The following MYO1H variants were observed in gnomAD, a reference collection of about 807,000 sequenced individuals.
The protein encoded by MYO1H is myosin IH, also known as unconventional myosin-Ih.
A neutral mutation model predicts 149.3 loss-of-function variants in MYO1H; 118 were observed. That is an observed-to-expected ratio of 0.79 (90% CI 0.68 to 0.92). The LOEUF is 0.92. Ranked by LOEUF, MYO1H falls within the 40% of genes least tolerant of loss-of-function variation. MYO1H has a pLI of 0.00. For synonymous variants in MYO1H, 447 were observed against 465.2 expected (o/e 0.96, Z 0.50); for missense variants, 1,212 against 1,280.7 (o/e 0.95, Z 0.82).
chr12:109,425,902 A>C (rs1365213724), intron 17 of MYO1H, 44 bp from the exon 18 acceptor site: 1 of 1,388,568 alleles, frequency 7.2e-7, no homozygotes, highest in Non-Finnish European at 1.0e-6. Context: ...AAGCAGCAGT[A>C]TCTCTCTGGC....
chr12:109,435,038 A>C (rs1182619460), exon 21 of MYO1H: 1 of 1,605,916 alleles, frequency 6.2e-7, no homozygotes, highest in South Asian at 1.1e-5. Flanking sequence ...CACTTCTAGA[A>C]CCAAAATATT....
At chr12:109,443,306 G>A (rs1872312986) in intron 27 of MYO1H, among the ~76,000 whole-genome samples, 1 of 143,438 alleles carries the variant, frequency 7.0e-6, no homozygotes, top group African/African-American at 2.7e-5. Context: ...GTGTATATAT[G>A]TGTACGTATA....
intron 1 of MYO1H, among the ~76,000 whole-genome samples, chr12:109,377,345 A>G (rs1329190123): frequency 6.6e-6 from 1 of 152,220 alleles, no homozygotes; most frequent in African/African-American, 2.4e-5. Context: ...ATGTGCAGAG[A>G]TCACATGGTG....
exon 4 of MYO1H, chr12:109,396,576 G>C (rs1869917131): frequency 1.2e-6 from 2 of 1,610,614 alleles, no homozygotes; most frequent in African/African-American, 2.7e-5. Context: ...CCAACCCAGT[G>C]CTGGAGGTAA....
intron 1 of MYO1H, among the ~76,000 whole-genome samples, chr12:109,366,831 T>C (rs982793750): frequency 1.3e-5 from 2 of 152,192 alleles, no homozygotes; most frequent in Non-Finnish European, 2.9e-5. Flanking sequence ...TTGTCACTTA[T>C]TACTACAGAT....
the MYO1H span, among the ~76,000 whole-genome samples, chr12:109,324,246 G>A: frequency 6.6e-6 from 1 of 152,172 alleles, no homozygotes; most frequent in Non-Finnish European, 1.5e-5. Flanking sequence ...CTTACAGCTT[G>A]GCGGCCTCAG....
the MYO1H span, among the ~76,000 whole-genome samples, chr12:109,341,229 C>CAAAA: frequency 1.1e-3 from 121 of 113,932 alleles, 5 homozygotes; most frequent in African/African-American, 1.9e-3. Flanking sequence ...CGTTCCATCT[C>CAAAA]AAAAAAAAAA....
intron 14 of MYO1H, among the ~76,000 whole-genome samples, chr12:109,412,218 C>T (rs1016407945): frequency 3.9e-5 from 6 of 151,960 alleles, no homozygotes; most frequent in African/African-American, 1.5e-4. Flanking sequence ...AGTGCAGTGA[C>T]GTGATCACAG....
intron 21 of MYO1H, among the ~76,000 whole-genome samples, chr12:109,435,832 G>T (rs926400719): frequency 6.6e-6 from 1 of 152,218 alleles, no homozygotes; most frequent in Admixed American, 6.5e-5. Flanking sequence ...TGGCTTCAAG[G>T]CTTGGTGGTC....
intron 1 of MYO1H, among the ~76,000 whole-genome samples, chr12:109,365,120 A>G (rs963774959): frequency 7.9e-5 from 12 of 152,112 alleles, no homozygotes; most frequent in Non-Finnish European, 1.2e-4. Flanking sequence ...AAAATTAAAA[A>G]CAAGACTTAG....
In MYO1H at chr12:109,391,301, A is replaced by G. The variant is rs550430839; in HGVS notation, c.175-2030A>G. 2.0e-5 allele frequency among the ~76,000 whole-genome samples: 3 copies of G among 152,108 alleles called. No individual in the cohort carries two copies. The South Asian group carries it at 6.2e-4, about 32-fold the overall frequency. On this transcript the variant is annotated intron_variant, in intron 2 of 31. Transcript: ENST00000310903. ...ATGTGTCCATGTGTCCTCATCATTTAGTTCCCACTTATTAGCAAGAACACG... is the reference window on the plus strand; with the variant it reads ...ATGTGTCCATGTGTCCTCATCATTTGGTTCCCACTTATTAGCAAGAACACG...
chr12:109,388,840 T>C (rs1213750553), exon 2 of MYO1H: 1 of 1,608,706 alleles, frequency 6.2e-7, no homozygotes, highest in South Asian at 1.1e-5. Context: ...GAGAACCTCA[T>C]ATACGTAACG....
intron 14 of MYO1H, among the ~76,000 whole-genome samples, chr12:109,414,448 G>A (rs1444708148): frequency 1.5e-4 from 21 of 135,678 alleles, no homozygotes; most frequent in Middle Eastern, 4.2e-3. Flanking sequence ...CTGCACTCCC[G>A]CCTGGGAGAC....
the MYO1H span, among the ~76,000 whole-genome samples, chr12:109,336,842 G>A: frequency 9.9e-5 from 15 of 152,212 alleles, no homozygotes; most frequent in Non-Finnish European, 1.8e-4. Flanking sequence ...GCCCATTCCC[G>A]AACCAATTGC....
intron 15 of MYO1H, among the ~76,000 whole-genome samples, chr12:109,419,227 C>G (rs568039863): frequency 1.3e-5 from 2 of 152,216 alleles, no homozygotes; most frequent in South Asian, 2.1e-4. Context: ...CTCACTCATA[C>G]TCATTCACTC....
intron 2 of MYO1H, among the ~76,000 whole-genome samples, chr12:109,392,441 G>A (rs1353855886): frequency 2.0e-5 from 3 of 152,158 alleles, no homozygotes; most frequent in African/African-American, 4.8e-5. Flanking sequence ...AAGTCTTCCC[G>A]GCCAGGCGCG....
At chr12:109,440,433 G>C (rs1348470102) in intron 24 of MYO1H, 3 of 306,018 alleles carry the variant, frequency 9.8e-6, no homozygotes, top group African/African-American at 6.6e-5. Flanking sequence ...CTGGAACTTA[G>C]AGGCGGGGCT....
At chr12:109,395,229 T>C (rs1257157706) in intron 3 of MYO1H, among the ~76,000 whole-genome samples, 1 of 152,222 alleles carries the variant, frequency 6.6e-6, no homozygotes, top group Non-Finnish European at 1.5e-5. Context: ...ATCTCTTTGG[T>C]TTCCTGCCAC....
exon 11 of MYO1H, chr12:109,409,614 G>A: frequency 1.2e-6 from 2 of 1,612,758 alleles, no homozygotes; most frequent in Non-Finnish European, 1.7e-6. Context: ...TGAAGTCTTT[G>A]ACAAGAATGG....
Sources: gnomAD v4.1 joint callset for allele counts (sites outside exome capture counted in the v4.1 genomes callset) on GRCh38, gnomAD v4.1.1 for gene constraint, MANE v1.5 for transcripts, NCBI Gene and HGNC (gene_info 2026-07-23, HGNC 2026-07-21) for gene names.